ADAMTS2: variants seen among roughly 807,000 people sequenced by gnomAD.
ADAMTS2 encodes the protein A disintegrin and metalloproteinase with thrombospondin motifs 2.
ADAMTS2 carries 50 observed loss-of-function variants against 123.0 expected under a neutral mutation model. That is an observed-to-expected ratio of 0.41 (90% CI 0.32 to 0.51). The LOEUF (loss-of-function observed/expected upper bound fraction) is 0.51, where lower values mean the gene tolerates loss of function less well. ADAMTS2 is among the 20% of genes least tolerant of loss of function. The probability of loss-of-function intolerance (pLI) is 0.35; values close to 1 mark genes in which losing one functional copy is unlikely to be tolerated. For synonymous variants in ADAMTS2, 678 were observed against 695.4 expected (o/e 0.98, Z 0.39); for missense variants, 1,494 against 1,705.2 (o/e 0.88, Z 2.18).
chr5:179,180,427 G>A lies in ADAMTS2; in HGVS notation c.975+645C>T, dbSNP rs1013810854. Among the ~76,000 whole-genome samples, 133 of 152,190 alleles carry A rather than the reference G, an allele frequency of 8.7e-4. No homozygotes were observed. The highest frequency in any genetic ancestry group is 1.5e-3 in the Non-Finnish European group (104 of 68,032). On this transcript the variant is annotated intron_variant, in intron 5 of 21. Transcript: ENST00000251582. This position sits in a 1 kb window ranked among gnomAD's most constrained non-coding sequence, Gnocchi z 4.6. ...TCCAAGGGAGGGTCGTGTTAACCAC[G>A]TGTTTCTGATGCTTTGACATCCGAG...
intron 2 of ADAMTS2, among the ~76,000 whole-genome samples, chr5:179,306,133 TAAAA>T (rs965928377): frequency 2.1e-5 from 3 of 142,290 alleles, no homozygotes; most frequent in Non-Finnish European, 3.1e-5. Context: ...GACAGTTCAA[TAAAA>T]AAAAAAACCC....
At chr5:179,282,777 T>C (rs191350268) in intron 2 of ADAMTS2, among the ~76,000 whole-genome samples, 1 of 152,228 alleles carries the variant, frequency 6.6e-6, no homozygotes, top group Admixed American at 6.5e-5. Flanking sequence ...AACTCTGCAT[T>C]AGAAACCAAG....
rs1197854641 is a variant in ADAMTS2, at chr5:179,158,637, T to G, written c.1132+86A>C. On this transcript the variant is annotated intron_variant, in intron 6 of 21. Transcript: ENST00000251582. This position sits in a 1 kb window ranked among gnomAD's most constrained non-coding sequence, Gnocchi z 5.0. ...CCTGCCCTGACACTCTTCCCTGGGCTGGGCCAAGGCTCCCGGGGCCCCTTG... is the reference window on the plus strand; with the variant it reads ...CCTGCCCTGACACTCTTCCCTGGGCGGGGCCAAGGCTCCCGGGGCCCCTTG... 6.3e-7 allele frequency: 1 copy of G among 1,585,438 alleles called. No individual in the cohort carries two copies. Among genetic ancestry groups the G allele is most frequent in the Non-Finnish European group, 8.6e-7 (1 of 1,158,608 alleles).
chr5:179,178,413 G>A (rs1256544213), intron 5 of ADAMTS2, among the ~76,000 whole-genome samples: 1 of 152,248 alleles, frequency 6.6e-6, no homozygotes, highest in Non-Finnish European at 1.5e-5. Context: ...CTCCTAGCCA[G>A]CATTCACTGG....
chr5:179,338,292 A>C (rs981896472), intron 2 of ADAMTS2, among the ~76,000 whole-genome samples: 22 of 152,176 alleles, frequency 1.4e-4, no homozygotes, highest in Non-Finnish European at 4.4e-5. Context: ...TAACTCCTAG[A>C]GCCTCGGTTT....
intron 2 of ADAMTS2, among the ~76,000 whole-genome samples, chr5:179,287,363 G>A (rs1756049679): frequency 6.6e-6 from 1 of 152,218 alleles, no homozygotes; most frequent in Admixed American, 6.5e-5. Flanking sequence ...AGACAAGAAT[G>A]CTGCACAGCC....
chr5:179,249,132 A>C (rs887463991), intron 3 of ADAMTS2, among the ~76,000 whole-genome samples: 14 of 152,160 alleles, frequency 9.2e-5, no homozygotes, highest in Admixed American at 9.2e-4. Context: ...ATATTCTCTT[A>C]AAGAACCATT....
chr5:179,166,644 G>A (rs1275872758), intron 5 of ADAMTS2, among the ~76,000 whole-genome samples: 2 of 152,192 alleles, frequency 1.3e-5, no homozygotes, highest in African/African-American at 2.4e-5. Flanking sequence ...CATCCTGGCC[G>A]CGGGACCCTG....
At chr5:179,213,690 C>T (rs1764912469) in intron 3 of ADAMTS2, among the ~76,000 whole-genome samples, 1 of 152,206 alleles carries the variant, frequency 6.6e-6, no homozygotes, top group African/African-American at 2.4e-5. Context: ...AAATTACTTG[C>T]ATATGGCATA....
intron 2 of ADAMTS2, among the ~76,000 whole-genome samples, chr5:179,306,553 A>G (rs188037673): frequency 5.4e-4 from 82 of 152,004 alleles, no homozygotes; most frequent in African/African-American, 1.9e-3. Flanking sequence ...CATTTTCACG[A>G]CTCCTACTCA....
At position 179,182,934 on chromosome 5, in the gene ADAMTS2, G is replaced by A. The variant is rs141282647; in HGVS notation, c.892-1779C>T. 4.1e-3 allele frequency among the ~76,000 whole-genome samples: 628 copies of A among 152,294 alleles called. 5 individuals are homozygous for A. Among genetic ancestry groups the A allele is most frequent in the African/African-American group, 0.014 (597 of 41,554 alleles). On this transcript the variant is annotated intron_variant, in intron 4 of 21. Transcript: ENST00000251582. The stretch of plus-strand genomic sequence containing the variant: ...TCCGAGGAGGGCACCCAGGTCCCCA[G>A]GAAGCCTTGCCATTTGGTCATCGCC...
intron 5 of ADAMTS2, among the ~76,000 whole-genome samples, chr5:179,176,276 T>G (rs1309045575): frequency 6.6e-6 from 1 of 152,114 alleles, no homozygotes; most frequent in African/African-American, 2.4e-5. Flanking sequence ...TGCCAGAGGC[T>G]TCAACACTGG....
At chr5:179,324,929 C>A (rs1314455129) in intron 2 of ADAMTS2, among the ~76,000 whole-genome samples, 2 of 3,594 alleles carry the variant, frequency 5.6e-4, no homozygotes, top group Non-Finnish European at 1.4e-3. Flanking sequence ...TCCTCAGGGA[C>A]CCCCCCACTG....
intron 4 of ADAMTS2, among the ~76,000 whole-genome samples, chr5:179,200,907 C>A (rs995795586): frequency 6.6e-6 from 1 of 152,212 alleles, no homozygotes; most frequent in Non-Finnish European, 1.5e-5. Context: ...TACACAGACT[C>A]TTCAGATGAA....
At position 179,303,177 on chromosome 5, in the gene ADAMTS2, C is replaced by G. The variant is rs2113563389; in HGVS notation, c.535-30113G>C. ...TTGTGAGAATTGCTGGGGGCAGGAT[C>G]TCCCTCCCTCTCTCTATGAAATTCC... On this transcript the variant is annotated intron_variant, in intron 2 of 21. Coordinates refer to ENST00000251582, the MANE Select transcript of ADAMTS2 (RefSeq NM_014244.5). This position sits in a 1 kb window ranked among gnomAD's most constrained non-coding sequence, Gnocchi z 4.7. Among the ~76,000 whole-genome samples, 1 of 152,270 alleles carries G rather than the reference C, an allele frequency of 6.6e-6. No homozygotes were observed. Among genetic ancestry groups the G allele is most frequent in the African/African-American group, 2.4e-5 (1 of 41,550 alleles).
In ADAMTS2 at chr5:179,225,891, T is replaced by C. The variant is rs1232777840; in HGVS notation, c.689-18176A>G. On this transcript the variant is annotated intron_variant, in intron 3 of 21. Coordinates refer to ENST00000251582, the MANE Select transcript of ADAMTS2 (RefSeq NM_014244.5). This position sits in a 1 kb window ranked among gnomAD's most constrained non-coding sequence, Gnocchi z 4.5. ...AAAGCCCTCTGTCCTTGCGACAAGG[T>C]AGAGGGTCTAACTGAGCTGGTTAAC... Among the ~76,000 whole-genome samples, 1 of 152,112 alleles carries C rather than the reference T, an allele frequency of 6.6e-6. No individual in the cohort carries two copies. The highest frequency in any genetic ancestry group is 2.4e-5 in the African/African-American group (1 of 41,416).
At chr5:179,342,674 G>A (rs1405002934) in intron 2 of ADAMTS2, among the ~76,000 whole-genome samples, 1 of 152,224 alleles carries the variant, frequency 6.6e-6, no homozygotes, top group Admixed American at 6.5e-5. Flanking sequence ...AGCAATTAGA[G>A]CGGAACCCAT....
intron 2 of ADAMTS2, among the ~76,000 whole-genome samples, chr5:179,286,543 A>C (rs531134427): frequency 6.6e-6 from 1 of 151,788 alleles, no homozygotes; most frequent in South Asian, 2.1e-4. Flanking sequence ...GAGCAACCAA[A>C]CCCTGCAAGG....
chr5:179,205,270 G>T (rs1764653315), intron 4 of ADAMTS2, among the ~76,000 whole-genome samples: 1 of 152,196 alleles, frequency 6.6e-6, no homozygotes, highest in East Asian at 1.9e-4. Flanking sequence ...CGCCCTTGGT[G>T]GGCTATCAGA....
Sources: gnomAD v4.1 joint callset for allele counts (sites outside exome capture counted in the v4.1 genomes callset) on GRCh38, gnomAD v4.1.1 for gene constraint, Gnocchi (gnomAD v3.1) non-coding constraint, MANE v1.5 for transcripts, NCBI Gene and HGNC (gene_info 2026-07-23, HGNC 2026-07-21) for gene names.